CDC16: variants seen among roughly 807,000 people sequenced by gnomAD.
CDC16 encodes cell division cycle 16.
In CDC16, 34 loss-of-function variants were observed where a neutral mutation model predicts 87.0. That is an observed-to-expected ratio of 0.39 (90% CI 0.30 to 0.52). The LOEUF is 0.52. Ranked by LOEUF, CDC16 falls within the 20% of genes least tolerant of loss-of-function variation. CDC16 has a pLI of 0.74. For synonymous variants in CDC16, 263 were observed against 260.6 expected, an observed-to-expected ratio of 1.01 and a Z score of -0.09; for missense variants, 653 against 751.9, an observed-to-expected ratio of 0.87 and a Z score of 1.54.
rs1020033062 is a variant in CDC16 at position 114,247,017 on chromosome 13, T to C, written c.971+13T>C. 3 of 1,565,560 alleles carry C rather than the reference T, an allele frequency of 1.9e-6. No individual in the cohort carries two copies. The African/African-American group carries it at 4.1e-5, about 21-fold the overall frequency. ...GAAGATATCTCAGGTATGAATTTAT[T>C]TTTTTCCTCTCTAGTTAACCTGTAG... On this transcript the variant is annotated intron_variant, in intron 11 of 17. Transcript: ENST00000356221.
intron 12 of CDC16, among the ~76,000 whole-genome samples, chr13:114,253,803 T>C (rs117740950): frequency 0.011 from 1,739 of 152,354 alleles, 97 homozygotes; most frequent in Admixed American, 0.081. Flanking sequence ...TAGATACCTG[T>C]TACATCTGAT....
At chr13:114,236,979 T>G in intron 3 of CDC16, 83 bp downstream of exon 3, 2 of 816,254 alleles carry the variant, frequency 2.5e-6, no homozygotes, top group Non-Finnish European at 3.7e-6. Flanking sequence ...CTTACACCTG[T>G]AATCCCAGCG....
At chr13:114,260,393 G>T (rs560482228) in intron 14 of CDC16, among the ~76,000 whole-genome samples, 12 of 152,354 alleles carry the variant, frequency 7.9e-5, no homozygotes, top group African/African-American at 2.9e-4. Flanking sequence ...TTGCCACCTT[G>T]TCAGTTTTCT....
chr13:114,235,535 A>G (rs1434494516), intron 1 of CDC16, among the ~76,000 whole-genome samples: 1 of 152,252 alleles, frequency 6.6e-6, no homozygotes, highest in African/African-American at 2.4e-5. Flanking sequence ...TTAAGTGAAT[A>G]AAGATGTGAA....
At chr13:114,257,919 T>C (rs966300891) in intron 13 of CDC16, among the ~76,000 whole-genome samples, 30 of 152,178 alleles carry the variant, frequency 2.0e-4, no homozygotes, top group African/African-American at 7.2e-4. Flanking sequence ...CCTGAGTAGC[T>C]GGGATTACAG....
chr13:114,260,272 T>C (rs1343606537), intron 14 of CDC16, among the ~76,000 whole-genome samples: 3 of 152,242 alleles, frequency 2.0e-5, no homozygotes, highest in Admixed American at 6.5e-5. Context: ...TCTGAACTTA[T>C]AAACACTATT....
rs749766924 is a variant in CDC16 at position 114,235,108 on chromosome 13, G to T, written c.24G>T (p.Lys8Asn). 5.1e-5 allele frequency: 63 copies of T among 1,245,690 alleles called. 2 individuals are homozygous for T. In the South Asian group the frequency reaches 1.2e-3, roughly 24 times the overall value. 77.2% of individuals were successfully genotyped at this position (1,245,690 alleles called of 1,614,324 possible). The change falls in exon 1 of 18, where the codon AAG becomes AAT. Residue 8 changes from lysine to asparagine, a missense_variant. By Grantham distance (94) the Lys-to-Asn change is moderately conservative. Transcript: ENST00000356221. ...CCATGAACCTAGAGCGGCTGCGGAA[G>T]CGCGTCCGGCAGTACCTCGACCAGG... is the stretch of plus-strand genomic sequence containing the variant. MNLERLR[K>N]RVRQYLDQQQ...
intron 15 of CDC16, 21 bp downstream of exon 15, chr13:114,261,969 T>G (rs771534248): frequency 1.3e-6 from 2 of 1,490,216 alleles, no homozygotes; most frequent in Non-Finnish European, 1.9e-6. Context: ...TAGAGCATTT[T>G]CAGAAATATA....
chr13:114,237,173 G>A (rs1346588107), intron 3 of CDC16, among the ~76,000 whole-genome samples: 2 of 151,600 alleles, frequency 1.3e-5, no homozygotes, highest in African/African-American at 4.9e-5. Context: ...GCAGTGAGCT[G>A]AGTTCGTGCA....
intron 13 of CDC16, 22 bp downstream of exon 13, chr13:114,257,252 A>C: frequency 2.5e-6 from 4 of 1,570,494 alleles, no homozygotes; most frequent in Non-Finnish European, 1.7e-6. Flanking sequence ...AAGACCAGAA[A>C]CCCTTCTGTT....
intron 8 of CDC16, 140 bp downstream of exon 8, chr13:114,244,129 G>C (rs977887052): frequency 3.4e-6 from 2 of 587,322 alleles, no homozygotes; most frequent in East Asian, 5.7e-5. Context: ...GCACTGAACA[G>C]GGTGCTGTCT....
rs58418458 is a variant in CDC16, at chr13:114,242,058, GA to G, written c.382-52del. 6.0e-3 allele frequency: 6,927 copies of G among 1,157,580 alleles called. 2 individuals carry two copies. Among genetic ancestry groups the G allele is most frequent in the African/African-American group, 0.013 (828 of 62,222 alleles). The allele number at this position is 1,157,580 out of a possible 1,614,324, so 71.7% of individuals were successfully genotyped here. On this transcript the variant is annotated intron_variant, in intron 5 of 17. Transcript: ENST00000356221. Reference sequence around the variant, plus strand: ...CAGAGTGAGACTCTGCCTCTAAGGAGAAAAAAAAAAAGTTAAGTTTAAAAGT... The same window carrying G: ...CAGAGTGAGACTCTGCCTCTAAGGAGAAAAAAAAAAGTTAAGTTTAAAAGT...
Position 114,248,489 on chromosome 13 carries a change from T to C in CDC16, c.971+1485T>C, listed in dbSNP as rs527825875. On this transcript the variant is annotated intron_variant, in intron 11 of 17. Coordinates refer to ENST00000356221, the MANE Select transcript of CDC16 (RefSeq NM_001078645.3). ...TTAGGTCAGGAGTTCGAGACCAGCC[T>C]GGCCAACATGGTGAAAGTCTGTCTC... 1.2e-4 allele frequency among the ~76,000 whole-genome samples: 18 copies of C among 152,316 alleles called. No homozygotes were observed. The South Asian group carries it at 2.3e-3, about 19-fold the overall frequency.
At chr13:114,243,592 T>G (rs2081675964) in intron 7 of CDC16, among the ~76,000 whole-genome samples, 1 of 152,214 alleles carries the variant, frequency 6.6e-6, no homozygotes, top group Non-Finnish European at 1.5e-5. Context: ...GGAATGGTGT[T>G]GCATGGAAAT....
chr13:114,239,190 T>A, intron 4 of CDC16, 160 bp from the exon 5 acceptor site: 1 of 1,404,090 alleles, frequency 7.1e-7, no homozygotes, highest in Non-Finnish European at 9.6e-7. Context: ...AAAATACTGA[T>A]TCTTCGTTTA....
chr13:114,268,789 A>G (rs545104059), intron 17 of CDC16, among the ~76,000 whole-genome samples: 3 of 152,322 alleles, frequency 2.0e-5, no homozygotes, highest in African/African-American at 7.2e-5. Context: ...CTCCAGCCTA[A>G]GCAGCAGAGT....
intron 10 of CDC16, among the ~76,000 whole-genome samples, chr13:114,246,416 A>G (rs532754175): frequency 1.3e-5 from 2 of 152,374 alleles, no homozygotes; most frequent in African/African-American, 4.8e-5. Flanking sequence ...TGCACATGTA[A>G]GACAACCTGT....
intron 17 of CDC16, among the ~76,000 whole-genome samples, chr13:114,266,109 G>A (rs573108487): frequency 7.2e-4 from 110 of 152,154 alleles, no homozygotes; most frequent in Non-Finnish European, 9.0e-4. Flanking sequence ...GAGCCACTGC[G>A]CCCAGCCCCT....
chr13:114,269,595 G>A (rs74116861), intron 17 of CDC16, among the ~76,000 whole-genome samples: 3,717 of 152,322 alleles, frequency 0.024, 158 homozygotes, highest in African/African-American at 0.085. Flanking sequence ...ACGTCCACCA[G>A]TAGGAGAGAG....
Sources: allele counts gnomAD v4.1 joint callset (sites outside exome capture counted in the v4.1 genomes callset), GRCh38; gene constraint gnomAD v4.1.1; transcripts MANE v1.5; gene names NCBI Gene and HGNC (gene_info 2026-07-23, HGNC 2026-07-21).